NEXN: variants seen among roughly 807,000 people sequenced by gnomAD.
The protein encoded by NEXN is nexilin F-actin binding protein.
Under a neutral mutation model 92.6 loss-of-function variants are expected in NEXN, and 65 were observed. The observed-to-expected ratio is 0.70, with a 90% CI of 0.57 to 0.86. The LOEUF (loss-of-function observed/expected upper bound fraction) is 0.86, where lower values mean the gene tolerates loss of function less well. NEXN is among the 40% of genes least tolerant of loss of function. NEXN has a pLI of 0.00. For synonymous variants in NEXN, 254 were observed against 242.5 expected (o/e 1.05, Z -0.44); for missense variants, 778 against 771.1 (o/e 1.01, Z -0.11).
chr1:77,896,242 CTGACTTAAACA>C (rs1233601525), intron 1 of NEXN, among the ~76,000 whole-genome samples: 2 of 151,966 alleles, frequency 1.3e-5, no homozygotes, highest in African/African-American at 4.8e-5. Context: ...AGCTCATTTT[CTGACTTAAACA>C]TGCCTTTTAA....
At chr1:77,911,945 G>A (rs566142384) in intron 1 of NEXN, among the ~76,000 whole-genome samples, 13 of 151,748 alleles carry the variant, frequency 8.6e-5, no homozygotes, top group African/African-American at 2.7e-4. Flanking sequence ...TGGATGTGGT[G>A]GCACGCACCT....
At chr1:77,935,793 C>T (rs368030592) in intron 10 of NEXN, 30 bp from the exon 11 acceptor site, 137 of 1,582,688 alleles carry the variant, frequency 8.7e-5, no homozygotes, top group Non-Finnish European at 1.1e-4. Flanking sequence ...TCAAAAACAG[C>T]AGCAACAAAC....
At chr1:77,923,315 T>C (rs1478713117) in intron 5 of NEXN, among the ~76,000 whole-genome samples, 2 of 151,956 alleles carry the variant, frequency 1.3e-5, no homozygotes, top group African/African-American at 4.8e-5. Flanking sequence ...ATAAAATGTA[T>C]TATTTCTTTC....
rs1338469206 is a variant in NEXN at position 77,933,538 on chromosome 1, T to C, written c.1251+59T>C. 4 of 1,165,324 alleles carry C rather than the reference T, an allele frequency of 3.4e-6. No homozygotes were observed. The African/African-American group carries it at 6.1e-5, about 18-fold the overall frequency. The allele number at this position is 1,165,324 out of a possible 1,614,324, so 72.2% of individuals were successfully genotyped here. A position where few individuals can be genotyped will look rare whatever the true frequency, so the allele number is the denominator to read the frequency against. On this transcript the variant is annotated intron_variant, in intron 10 of 12. Transcript: ENST00000334785. ...TTTATTAAGCTAAATATTTTACTTATATCACCTTATAATAACTTTGTATTA... is the reference window on the plus strand; with the variant it reads ...TTTATTAAGCTAAATATTTTACTTACATCACCTTATAATAACTTTGTATTA...
chr1:77,908,180 C>T (rs1365574384), intron 1 of NEXN, among the ~76,000 whole-genome samples: 1 of 152,086 alleles, frequency 6.6e-6, no homozygotes, highest in Non-Finnish European at 1.5e-5. Context: ...TGGGCTCAAG[C>T]GATCTTCCTG....
chr1:77,939,338 G>C (rs749459985), intron 11 of NEXN, among the ~76,000 whole-genome samples: 1 of 152,152 alleles, frequency 6.6e-6, no homozygotes, highest in African/African-American at 2.4e-5. Flanking sequence ...AAGGTGAGAG[G>C]CAAGCAGATA....
chr1:77,925,142 G>C lies in NEXN; in HGVS notation c.448-46G>C, dbSNP rs778331333. On this transcript the variant is annotated intron_variant, in intron 5 of 12. Coordinates refer to ENST00000334785, the MANE Select transcript of NEXN (RefSeq NM_144573.4). ...TCCAGTTGTTGTTTAAAAGCAAAAA[G>C]TAGAAATCTGATGTAATGTAATGAT... 1.6e-5 allele frequency: 21 copies of C among 1,317,916 alleles called. 1 individual carries two copies. In the South Asian group the frequency reaches 2.7e-4, roughly 17 times the overall value. 81.6% of individuals were successfully genotyped at this position (1,317,916 alleles called of 1,614,324 possible).
intron 1 of NEXN, among the ~76,000 whole-genome samples, chr1:77,907,388 A>T (rs1648196736): frequency 6.6e-6 from 1 of 152,240 alleles, no homozygotes; most frequent in Non-Finnish European, 1.5e-5. Context: ...TCTCCAACAT[A>T]AAAATATTTA....
intron 2 of NEXN, 48 bp downstream of exon 2, chr1:77,916,181 T>A (rs772825036): frequency 3.4e-6 from 5 of 1,465,322 alleles, no homozygotes; most frequent in Non-Finnish European, 4.7e-6. Flanking sequence ...AATGTAGAGT[T>A]GACTGTAGAA....
At chr1:77,935,195 G>T (rs1011910620) in intron 10 of NEXN, among the ~76,000 whole-genome samples, 4 of 152,122 alleles carry the variant, frequency 2.6e-5, no homozygotes, top group Non-Finnish European at 4.4e-5. Context: ...AAGCCACCAT[G>T]CCCGGCTAAT....
chr1:77,898,226 A>C (rs1186998005), intron 1 of NEXN, among the ~76,000 whole-genome samples: 1 of 152,230 alleles, frequency 6.6e-6, no homozygotes, highest in Non-Finnish European at 1.5e-5. Flanking sequence ...CAAAAGAACA[A>C]AGCTGGAGGC....
chr1:77,931,370 G>A (rs1205478846), intron 9 of NEXN, among the ~76,000 whole-genome samples: 1 of 124,770 alleles, frequency 8.0e-6, no homozygotes, highest in Admixed American at 1.1e-4. Context: ...CCAAGATCTC[G>A]CCACTGCACT....
At chr1:77,901,771 T>G (rs1359660505) in intron 1 of NEXN, among the ~76,000 whole-genome samples, 1 of 152,092 alleles carries the variant, frequency 6.6e-6, no homozygotes, top group Non-Finnish European at 1.5e-5. Context: ...ACATCACAGA[T>G]CTTATTATTT....
intron 1 of NEXN, among the ~76,000 whole-genome samples, chr1:77,891,566 T>C (rs1647105649): frequency 1.3e-5 from 2 of 151,896 alleles, no homozygotes; most frequent in Admixed American, 6.6e-5. Flanking sequence ...TCACCGTCCA[T>C]CCTGGGCCTC....
intron 1 of NEXN, among the ~76,000 whole-genome samples, chr1:77,894,105 T>C (rs1239265252): frequency 6.6e-6 from 1 of 152,098 alleles, no homozygotes; most frequent in East Asian, 1.9e-4. Flanking sequence ...GTTACAAGCA[T>C]GCGCCACCGC....
At chr1:77,941,969 CTTCT>C (rs1386227385) in intron 11 of NEXN, 50 bp from the exon 12 acceptor site, 20 of 1,549,736 alleles carry the variant, frequency 1.3e-5, no homozygotes, top group South Asian at 5.8e-5. Flanking sequence ...ACTAGTAACG[CTTCT>C]TTGTTTTTAG....
chr1:77,936,003 G>T lies in NEXN; in HGVS notation c.1432G>T (p.Asp478Tyr). Residue 478 changes from aspartate (D) to tyrosine (Y), a missense_variant, in exon 11 of 13, where the codon GAC (aspartate) becomes TAC (tyrosine). Transcript: ENST00000334785. ...AGAGCGAGCAAGAAGGAGAGCAATT[G>T]ACCTTGAAATTAAAGAGCGAGAAGC... ...EEERARRRAIDLEIKEREAEN... is the reference protein window; with the variant it reads ...EEERARRRAIYLEIKEREAEN... 1.9e-6 allele frequency: 3 copies of T among 1,613,736 alleles called. No homozygotes were observed. The South Asian group carries it at 3.3e-5, about 18-fold the overall frequency.
intron 1 of NEXN, among the ~76,000 whole-genome samples, chr1:77,904,870 CAAAG>C (rs1267148957): frequency 1.3e-5 from 2 of 152,128 alleles, no homozygotes; most frequent in African/African-American, 4.8e-5. Context: ...AGAGTTGTTG[CAAAG>C]AGACTGTTAA....
intron 1 of NEXN, among the ~76,000 whole-genome samples, chr1:77,906,033 A>G (rs1648087393): frequency 6.6e-6 from 1 of 152,122 alleles, no homozygotes; most frequent in Non-Finnish European, 1.5e-5. Context: ...AGAAAAGGGC[A>G]AAGATTGAAA....
Sources: allele counts gnomAD v4.1 joint callset (sites outside exome capture counted in the v4.1 genomes callset), GRCh38; gene constraint gnomAD v4.1.1; transcripts MANE v1.5; gene names NCBI Gene and HGNC (gene_info 2026-07-23, HGNC 2026-07-21).